MAK: variants seen among roughly 807,000 people sequenced by gnomAD.
The protein encoded by MAK is male germ cell associated kinase, also known as serine/threonine-protein kinase MAK.
MAK carries 65 observed loss-of-function variants against 82.6 expected under a neutral mutation model. The observed-to-expected ratio is 0.79, with a 90% CI of 0.64 to 0.97. The LOEUF (loss-of-function observed/expected upper bound fraction) is 0.97. Among genes scored for constraint, MAK ranks in the 50% least tolerant of loss-of-function variants. MAK has a pLI of 0.00. For missense variants in MAK, 703 were observed against 780.2 expected, an observed-to-expected ratio of 0.90 and a Z score of 1.18; for synonymous variants, 250 against 274.2, an observed-to-expected ratio of 0.91 and a Z score of 0.87.
chr6:10,816,572 T>G (rs1237511983), intron 4 of MAK, among the ~76,000 whole-genome samples: 1 of 152,154 alleles, frequency 6.6e-6, no homozygotes, highest in Non-Finnish European at 1.5e-5. Context: ...TTTTAATTTT[T>G]CAGTATTCTA....
chr6:10,805,790 C>T (rs1327829164), intron 6 of MAK, among the ~76,000 whole-genome samples: 2 of 152,118 alleles, frequency 1.3e-5, no homozygotes, highest in Non-Finnish European at 2.9e-5. Flanking sequence ...ACATAATATA[C>T]AGTTGATCCA....
chr6:10,784,836 T>A (rs1218568200), intron 10 of MAK: 1 of 607,226 alleles, frequency 1.6e-6, no homozygotes, highest in East Asian at 3.6e-5. Context: ...GTAACATGTT[T>A]CTATCTGTCC....
At chr6:10,771,920 C>G (rs1275136407) in intron 13 of MAK, among the ~76,000 whole-genome samples, 1 of 152,236 alleles carries the variant, frequency 6.6e-6, no homozygotes, top group East Asian at 1.9e-4. Context: ...CTAGCAGCTT[C>G]AGTCATGTCT....
chr6:10,796,543 C>T (rs920550915), intron 8 of MAK, among the ~76,000 whole-genome samples: 7 of 152,102 alleles, frequency 4.6e-5, no homozygotes, highest in Non-Finnish European at 7.4e-5. Context: ...TGGTGGCTCA[C>T]GCCTATAATC....
At chr6:10,797,994 A>G (rs1775695355) in intron 8 of MAK, 2 of 1,037,130 alleles carry the variant, frequency 1.9e-6, no homozygotes, top group Non-Finnish European at 2.3e-6. Flanking sequence ...CAAATTCTGA[A>G]TTAAGTCACA....
chr6:10,818,791 T>C (rs1581751045), intron 3 of MAK, 95 bp downstream of exon 3: 5 of 740,130 alleles, frequency 6.8e-6, no homozygotes, highest in Non-Finnish European at 1.2e-5. Flanking sequence ...AAAATTATCT[T>C]CAGAATGCTT....
intron 2 of MAK, among the ~76,000 whole-genome samples, chr6:10,821,883 C>T (rs986376998): frequency 1.3e-5 from 2 of 150,600 alleles, no homozygotes; most frequent in Non-Finnish European, 3.0e-5. Flanking sequence ...CACGGTGGCT[C>T]ACACCTGTAA....
In MAK at chr6:10,770,099, A is replaced by C; in HGVS notation, c.1792+12T>G. ...TAGGAATCTAGAAAACTGTATCTGA[A>C]GTTGTTCCTACCTGAAGCCGTTGCA... On this transcript the variant is annotated intron_variant, in intron 14 of 14. Transcript: ENST00000354489. 5 of 1,614,154 alleles carry C rather than the reference A, an allele frequency of 3.1e-6. No individual in the cohort carries two copies. The highest frequency in any genetic ancestry group is 4.2e-6 in the Non-Finnish European group (5 of 1,179,990).
At position 10,764,153 on chromosome 6, in the gene MAK, G is replaced by T. The variant is rs937533051; in HGVS notation, c.*299C>A. On this transcript the variant is annotated 3_prime_UTR_variant, in exon 15 of 15. Coordinates refer to ENST00000354489, the MANE Select transcript of MAK (RefSeq NM_001242957.3). ...TTCTGGAAGTTGTTTTTTTTTAAGG[G>T]TTCTTATTGGATTTACTATTTATTA... The T allele has an allele frequency of 6.7e-6, 2 of 298,188 alleles. No individual in the cohort carries two copies. Among genetic ancestry groups the T allele is most frequent in the Non-Finnish European group, 1.3e-5 (2 of 159,620 alleles). The allele number at this position is 298,188 out of a possible 1,614,324, so 18.5% of individuals were successfully genotyped here.
chr6:10,773,731 G>A (rs567885996), intron 12 of MAK, among the ~76,000 whole-genome samples: 6 of 143,116 alleles, frequency 4.2e-5, no homozygotes, highest in Admixed American at 1.4e-4. Context: ...TCGCTCTGTC[G>A]CCCAGGCTGG....
At chr6:10,799,996 C>T (rs11962109) in intron 8 of MAK, among the ~76,000 whole-genome samples, 4 of 151,780 alleles carry the variant, frequency 2.6e-5, no homozygotes, top group Non-Finnish European at 5.9e-5. Flanking sequence ...TGTAGTGAAC[C>T]GAGATCACGC....
chr6:10,815,319 T>A (rs1003234488), intron 4 of MAK, among the ~76,000 whole-genome samples: 1 of 152,108 alleles, frequency 6.6e-6, no homozygotes, highest in Admixed American at 6.5e-5. Flanking sequence ...TTTTAATTTT[T>A]ATTTTTTGAA....
chr6:10,832,853 C>G (rs533975671), intron 1 of MAK, among the ~76,000 whole-genome samples: 7 of 152,154 alleles, frequency 4.6e-5, no homozygotes, highest in Admixed American at 6.5e-5. Flanking sequence ...AGACAAAATG[C>G]TATTGTATAC....
intron 8 of MAK, 90 bp downstream of exon 8, chr6:10,801,802 T>C: frequency 8.0e-7 from 1 of 1,248,704 alleles, no homozygotes; most frequent in Non-Finnish European, 1.2e-6. Context: ...AAATCCTGGT[T>C]GAGAATAGAC....
chr6:10,770,583 A>G (rs1464587273), intron 13 of MAK, among the ~76,000 whole-genome samples: 2 of 152,104 alleles, frequency 1.3e-5, no homozygotes, highest in African/African-American at 4.8e-5. Flanking sequence ...TGTATTTCCC[A>G]CTGCGAAGCC....
intron 3 of MAK, among the ~76,000 whole-genome samples, 174 bp downstream of exon 3, chr6:10,818,712 C>T (rs1052402012): frequency 1.3e-5 from 2 of 151,916 alleles, no homozygotes; most frequent in African/African-American, 4.8e-5. Context: ...TAATTATACG[C>T]TGTTCTCCAC....
intron 11 of MAK, chr6:10,780,335 T>A: frequency 1.5e-6 from 1 of 664,752 alleles, no homozygotes; most frequent in East Asian, 1.4e-4. Flanking sequence ...GAAAACAGGG[T>A]GCTTTGGCTC....
intron 8 of MAK, 96 bp downstream of exon 8, chr6:10,801,796 C>T (rs1776035735): frequency 8.5e-7 from 1 of 1,172,652 alleles, no homozygotes; most frequent in Non-Finnish European, 1.3e-6. Flanking sequence ...TTAGTAAAAT[C>T]CTGGTTGAGA....
At chr6:10,802,446 CA>C in intron 7 of MAK, 3 of 188,710 alleles carry the variant, frequency 1.6e-5, no homozygotes, top group South Asian at 2.0e-4. Context: ...GCTGGGACTA[CA>C]GGTGCGCACC....
Sources: gnomAD v4.1 joint callset for allele counts (sites outside exome capture counted in the v4.1 genomes callset) on GRCh38, gnomAD v4.1.1 for gene constraint, MANE v1.5 for transcripts, NCBI Gene and HGNC (gene_info 2026-07-23, HGNC 2026-07-21) for gene names.